The following MROH7 variants were observed in gnomAD, a reference collection of about 807,000 sequenced individuals.
MROH7 encodes the protein maestro heat like repeat family member 7, also known as maestro heat-like repeat-containing protein family member 7.
A neutral mutation model predicts 129.2 loss-of-function variants in MROH7; 113 were observed. That is an observed-to-expected ratio of 0.87 (90% CI 0.75 to 1.02). MROH7 has a LOEUF of 1.02. Among genes scored for constraint, MROH7 ranks in the 50% least tolerant of loss-of-function variants. The pLI, the probability that MROH7 is intolerant of heterozygous loss-of-function variation, is 0.00. For missense variants in MROH7, 1,601 were observed against 1,671.3 expected (o/e 0.96, Z 0.73); for synonymous variants, 655 against 667.9 (o/e 0.98, Z 0.30).
At chr1:54,682,604 T>G (rs1569940582) in intron 13 of MROH7, 52 bp from the exon 14 acceptor site, 1 of 1,571,746 alleles carries the variant, frequency 6.4e-7, no homozygotes. Flanking sequence ...GGAGGCTGGG[T>G]TAGCCCCACT....
intron 13 of MROH7, among the ~76,000 whole-genome samples, chr1:54,682,027 T>C (rs1233674733): frequency 6.6e-6 from 1 of 152,228 alleles, no homozygotes; most frequent in Non-Finnish European, 1.5e-5. Context: ...TGTTCATGTC[T>C]GTATTCCCCA....
intron 14 of MROH7, among the ~76,000 whole-genome samples, chr1:54,684,650 G>GATGT (rs1187810519): frequency 6.6e-6 from 1 of 152,212 alleles, no homozygotes; most frequent in Admixed American, 6.5e-5. Flanking sequence ...GTGTTCTTTG[G>GATGT]ATGTAATCAT....
At chr1:54,686,179 G>C (rs1645143765) in intron 14 of MROH7, 79 bp from the exon 15 acceptor site, 2 of 1,341,162 alleles carry the variant, frequency 1.5e-6, no homozygotes, top group Non-Finnish European at 2.0e-6. Context: ...CTACCTCCCA[G>C]AGAGGCAGTC....
At chr1:54,708,790 G>A (rs758213393) in intron 22 of MROH7, among the ~76,000 whole-genome samples, 7 of 152,170 alleles carry the variant, frequency 4.6e-5, no homozygotes, top group African/African-American at 7.2e-5. Context: ...CTGCAGCCCA[G>A]ATACTGCCCC....
intron 3 of MROH7, among the ~76,000 whole-genome samples, chr1:54,657,416 T>C (rs930276930): frequency 6.6e-6 from 1 of 152,094 alleles, no homozygotes; most frequent in African/African-American, 2.4e-5. Flanking sequence ...TCTCACTCTG[T>C]CACACAGGCT....
intron 22 of MROH7, among the ~76,000 whole-genome samples, chr1:54,708,398 G>A (rs995946179): frequency 6.7e-6 from 1 of 150,200 alleles, no homozygotes; most frequent in Non-Finnish European, 1.5e-5. Flanking sequence ...CTGCACTCCA[G>A]TCTGGGCAAC....
At chr1:54,705,433 TATAA>T (rs1448790471) in intron 21 of MROH7, among the ~76,000 whole-genome samples, 1 of 152,170 alleles carries the variant, frequency 6.6e-6, no homozygotes, top group Non-Finnish European at 1.5e-5. Flanking sequence ...GGGACATCAG[TATAA>T]ATAATTACAA....
chr1:54,659,157 C>CAT (rs1569875404), intron 3 of MROH7: 24 of 395,760 alleles, frequency 6.1e-5, no homozygotes, highest in Middle Eastern at 8.6e-4. Context: ...TGCAATGGTG[C>CAT]GATCTCGGCT....
At chr1:54,667,893 C>T (rs992471269) in intron 4 of MROH7, among the ~76,000 whole-genome samples, 13 of 152,282 alleles carry the variant, frequency 8.5e-5, no homozygotes, top group South Asian at 2.1e-4. Flanking sequence ...GAGATTATAG[C>T]GAGCTGTGAC....
At chr1:54,679,542 A>G in intron 12 of MROH7, 103 bp downstream of exon 12, 6 of 1,292,080 alleles carry the variant, frequency 4.6e-6, no homozygotes, top group Non-Finnish European at 6.4e-6. Context: ...AGGGTGGGGT[A>G]TACCTGAACC....
At position 54,709,006 on chromosome 1, in the gene MROH7, C is replaced by T. The variant is rs200388504; in HGVS notation, c.3668-8C>T. The T allele has an allele frequency of 5.1e-5, 82 of 1,614,036 alleles. No individual in the cohort carries two copies. Among genetic ancestry groups the T allele is most frequent in the African/African-American group, 4.5e-4 (34 of 75,030 alleles). On this transcript the variant is annotated splice_region_variant and splice_polypyrimidine_tract_variant and intron_variant, in intron 22 of 23. Coordinates refer to ENST00000421030, the MANE Select transcript of MROH7 (RefSeq NM_001039464.4). ...ACAAATGCCCTCACTTCTTGGATTA[C>T]GCTCAAGGGTCCCTGGTCCCCTGCA... is the stretch of plus-strand genomic sequence containing the variant.
intron 3 of MROH7, among the ~76,000 whole-genome samples, chr1:54,661,693 T>TCAAGTGATTTTCCTGCCTC (rs1231871687): frequency 3.9e-5 from 6 of 151,998 alleles, no homozygotes; most frequent in Non-Finnish European, 7.4e-5. Flanking sequence ...CCTCCTGGGT[T>TCAAGTGATTTTCCTGCCTC]CAAGTGATTT....
In MROH7 at chr1:54,710,168, A is replaced by G. The variant is rs758918479; in HGVS notation, c.3953A>G (p.Lys1318Arg). Reference protein sequence around the residue: ...SWIMQALGSWKMSLKK With the variant: ...SWIMQALGSWRMSLKK ...ATCATGCAGGCACTGGGCTCCTGGAAGATGTCCTTGAAGAAGTGACGTCCC... is the reference window on the plus strand; with the variant it reads ...ATCATGCAGGCACTGGGCTCCTGGAGGATGTCCTTGAAGAAGTGACGTCCC... The change falls in exon 24 of 24, where the codon AAG (lysine) becomes AGG (arginine). Residue 1318 changes from lysine to arginine, a missense_variant. Lys to Arg is a conservative substitution (Grantham distance 26, BLOSUM62 2). Coordinates refer to ENST00000421030, the MANE Select transcript of MROH7 (RefSeq NM_001039464.4). 6.2e-7 allele frequency: 1 copy of G among 1,612,866 alleles called. No individual in the cohort carries two copies. The highest frequency in any genetic ancestry group is 1.1e-5 in the South Asian group (1 of 91,062).
chr1:54,652,511 G>A (rs924762042), intron 2 of MROH7, among the ~76,000 whole-genome samples: 12 of 152,248 alleles, frequency 7.9e-5, no homozygotes, highest in Admixed American at 7.9e-4. Context: ...TCTAGCAAGA[G>A]CTAGAACACT....
At position 54,653,470 on chromosome 1, in the gene MROH7, C is replaced by T. The variant is rs566978822; in HGVS notation, c.544C>T (p.His182Tyr). 6.8e-6 allele frequency: 11 copies of T among 1,614,200 alleles called. No homozygotes were observed. The Admixed American group carries it at 1.5e-4, about 22-fold the overall frequency. Residue 182 changes from histidine to tyrosine, a missense_variant, in exon 3 of 24, where the codon CAT becomes TAT. His to Tyr is a moderately conservative substitution (Grantham distance 83). Coordinates refer to ENST00000421030, the MANE Select transcript of MROH7 (RefSeq NM_001039464.4). The part of the protein sequence containing the change: ...RHELNPFIRH[H>Y]SREGLVLGHC... ...TGAATTAAACCCATTTATAAGGCAC[C>T]ATTCCAGAGAAGGTCTGGTTCTGGG... is the stretch of plus-strand genomic sequence containing the variant.
intron 3 of MROH7, 109 bp downstream of exon 3, chr1:54,654,266 A>T: frequency 9.2e-7 from 1 of 1,090,350 alleles, no homozygotes; most frequent in Non-Finnish European, 1.3e-6. Context: ...CAGGCAGTTG[A>T]TAACATATGA....
rs568703315 is a variant in MROH7 at position 54,703,637 on chromosome 1, C to T, written c.3564+892C>T. Among the ~76,000 whole-genome samples the T allele has an allele frequency of 2.0e-5, 3 of 152,048 alleles. No individual in the cohort carries two copies. Among genetic ancestry groups the T allele is most frequent in the South Asian group, 4.2e-4 (2 of 4,800 alleles). ...GGTAGGAGCAAGCCGCGTGCATGTG[C>T]GCGCGCGCATACACACACACACACA... is the stretch of plus-strand genomic sequence containing the variant. On this transcript the variant is annotated intron_variant, in intron 21 of 23. Transcript: ENST00000421030. The surrounding 1 kb of genome is among the most constrained non-coding windows in gnomAD (Gnocchi z 4.4).
intron 19 of MROH7, 54 bp downstream of exon 19, chr1:54,701,376 C>G (rs1645433844): frequency 2.1e-6 from 3 of 1,455,904 alleles, no homozygotes; most frequent in Admixed American, 2.4e-5. Flanking sequence ...GGGTCTTTTA[C>G]TACCTTGGGG....
intron 17 of MROH7, 107 bp from the exon 18 acceptor site, chr1:54,700,214 C>A: frequency 1.4e-6 from 2 of 1,457,808 alleles, no homozygotes; most frequent in Non-Finnish European, 1.9e-6. Context: ...TCTGAAGCTC[C>A]GGGCAGAGCT....
Sources: gnomAD v4.1 joint callset for allele counts (sites outside exome capture counted in the v4.1 genomes callset) on GRCh38, gnomAD v4.1.1 for gene constraint, Gnocchi (gnomAD v3.1) non-coding constraint, MANE v1.5 for transcripts, NCBI Gene and HGNC (gene_info 2026-07-23, HGNC 2026-07-21) for gene names.